The following SPG7 variants were observed in gnomAD, a reference collection of about 807,000 sequenced individuals.
The protein encoded by SPG7 is mitochondrial inner membrane m-AAA protease component paraplegin.
In SPG7, 103 loss-of-function variants were observed where a neutral mutation model predicts 81.9. The ratio of observed to expected loss-of-function variants is 1.26; its 90% CI spans 1.07 to 1.48. The LOEUF (loss-of-function observed/expected upper bound fraction) is 1.48, where lower values mean the gene tolerates loss of function less well. SPG7 is among the 40% of genes most tolerant of loss of function. SPG7 has a pLI of 0.00. For missense variants in SPG7, 1,241 were observed against 1,087.3 expected (o/e 1.14, Z -1.99); for synonymous variants, 534 against 444.2 (o/e 1.20, Z -2.54).
intron 4 of SPG7, 36 bp downstream of exon 4, chr16:89,524,283 G>A (rs745633975): frequency 6.3e-7 from 1 of 1,589,438 alleles, no homozygotes; most frequent in Middle Eastern, 2.2e-4. Context: ...GAGTGAGGGT[G>A]TGGGCACAGG....
intron 6 of SPG7, 120 bp from the exon 7 acceptor site, chr16:89,530,563 T>C: frequency 8.9e-7 from 1 of 1,122,872 alleles, no homozygotes; most frequent in East Asian, 2.4e-5. Context: ...AGTGAAGCCT[T>C]GGGATCCTAG....
At chr16:89,541,848 C>T (rs1328089188) in intron 9 of SPG7, 7 of 151,746 alleles carry the variant, frequency 4.6e-5, no homozygotes, top group African/African-American at 1.7e-4. Flanking sequence ...GTGTCCAGTC[C>T]CAGGAAGTCT....
intron 3 of SPG7, among the ~76,000 whole-genome samples, chr16:89,514,112 G>A (rs145113569): frequency 6.6e-6 from 1 of 152,168 alleles, no homozygotes; most frequent in African/African-American, 2.4e-5. Flanking sequence ...GTGTTTCGCA[G>A]GTGGATTCAG....
At chr16:89,526,086 G>T (rs1427478693) in intron 4 of SPG7, among the ~76,000 whole-genome samples, 1 of 152,180 alleles carries the variant, frequency 6.6e-6, no homozygotes, top group East Asian at 1.9e-4. Flanking sequence ...GGGGCTCACT[G>T]GGAGGTAGCC....
chr16:89,544,475 G>T, intron 9 of SPG7, 173 bp from the exon 10 acceptor site: 1 of 706,450 alleles, frequency 1.4e-6, no homozygotes, highest in Admixed American at 2.1e-5. Context: ...GGTGATGCTG[G>T]CTGGGAGCGA....
chr16:89,526,929 G>C (rs9797023), intron 5 of SPG7: 10,363 of 80,624 alleles, frequency 0.13, 518 homozygotes, highest in Middle Eastern at 0.26. Context: ...ACGTAGGATG[G>C]CGAAGTCTCA....
In SPG7 at chr16:89,508,520, G is replaced by T. The variant is rs1255580855; in HGVS notation, c.103G>T (p.Ala35Ser). ...CCCGGCCTGGAGTCCAGGGTTCCCCGCCAGGCCCGGGAGGGGGCGGCCGTA... is the reference window on the plus strand; with the variant it reads ...CCCGGCCTGGAGTCCAGGGTTCCCCTCCAGGCCCGGGAGGGGGCGGCCGTA... ...PGPAWSPGFP[A>S]RPGRGRPYMA... Residue 35 changes from alanine to serine, a missense_variant, in exon 1 of 17, where the codon GCC (alanine) becomes TCC (serine). By Grantham distance (99) the Ala-to-Ser change is moderately conservative. Coordinates refer to ENST00000645818, the MANE Select transcript of SPG7 (RefSeq NM_003119.4). 2.0e-6 allele frequency: 3 copies of T among 1,513,894 alleles called. No homozygotes were observed. The highest frequency in any genetic ancestry group is 2.4e-5 in the South Asian group (2 of 81,672). 93.8% of individuals were successfully genotyped at this position (1,513,894 alleles called of 1,614,324 possible).
chr16:89,515,712 A>ATT (rs199694635), intron 3 of SPG7, among the ~76,000 whole-genome samples: 1,765 of 145,916 alleles, frequency 0.012, 41 homozygotes, highest in African/African-American at 0.041. Flanking sequence ...TATTATTATT[A>ATT]TTATTTTTTT....
At chr16:89,508,402 C>A (rs1022251506), upstream of SPG7, 8 of 1,472,818 alleles carry the variant, frequency 5.4e-6, no homozygotes, top group Non-Finnish European at 6.3e-6. Context: ...CACGCAGGCG[C>A]GGCTTTCAGG....
chr16:89,513,571 A>C (rs1009427376), intron 3 of SPG7, among the ~76,000 whole-genome samples: 1 of 152,054 alleles, frequency 6.6e-6, no homozygotes, highest in African/African-American at 2.4e-5. Flanking sequence ...TACAGAAAGA[A>C]AAGAAGAAAA....
At position 89,554,445 on chromosome 16, in the gene SPG7, G is replaced by C. The variant is rs760957121; in HGVS notation, c.2104-41G>C. 28 of 1,423,688 alleles carry C rather than the reference G, an allele frequency of 2.0e-5. No homozygotes were observed. In the Admixed American group the frequency reaches 4.6e-4, roughly 23 times the overall value. 88.2% of individuals were successfully genotyped at this position (1,423,688 alleles called of 1,614,324 possible). ...TTCTGTGCTTTGGTGCTGGAGCCAG[G>C]CGGCCAGCCTTGCCCCTGACACAGT... On this transcript the variant is annotated intron_variant, in intron 15 of 16. Coordinates refer to ENST00000645818, the MANE Select transcript of SPG7 (RefSeq NM_003119.4).
intron 9 of SPG7, chr16:89,543,133 G>C (rs2058518154): frequency 6.6e-6 from 1 of 151,556 alleles, no homozygotes; most frequent in South Asian, 2.1e-4. Flanking sequence ...ATTTTTAGTA[G>C]AGATGGGGTT....
intron 9 of SPG7, chr16:89,543,347 C>CTTTTTTTTTTTTTTTTTTTTTTTTTT (rs57995524): frequency 9.2e-6 from 1 of 108,988 alleles, no homozygotes. Context: ...GGACCTTTTC[C>CTTTTTTTTTTTTTTTTTTTTTTTTTT]TTTTTTTTTT....
intron 3 of SPG7, among the ~76,000 whole-genome samples, chr16:89,516,372 T>A (rs1425364467): frequency 1.3e-5 from 2 of 151,562 alleles, no homozygotes; most frequent in Non-Finnish European, 2.9e-5. Context: ...TGAAACCCCT[T>A]GTCTACTAAA....
At chr16:89,544,350 C>T in intron 9 of SPG7, 1 of 401,504 alleles carries the variant, frequency 2.5e-6, no homozygotes, top group South Asian at 2.1e-5. Context: ...AGGACCGGCT[C>T]CCAGATGGCA....
chr16:89,516,938 C>T (rs919045303), intron 3 of SPG7: 3 of 152,054 alleles, frequency 2.0e-5, no homozygotes, highest in Non-Finnish European at 4.4e-5. Context: ...AGAAAAAAGT[C>T]GTAAGAGAAA....
chr16:89,533,453 CTT>C (rs1208242442), intron 9 of SPG7: 5 of 152,220 alleles, frequency 3.3e-5, no homozygotes, highest in African/African-American at 1.2e-4. Context: ...AGACGTGAGC[CTT>C]AGCACCCAGG....
At chr16:89,541,500 C>T (rs1035094853) in intron 9 of SPG7, 4 of 212,084 alleles carry the variant, frequency 1.9e-5, no homozygotes, top group African/African-American at 9.4e-5. Context: ...GGTTCTGTGT[C>T]TTGAGGGGAG....
At chr16:89,530,102 G>A (rs1353699082) in intron 6 of SPG7, 1 of 271,206 alleles carries the variant, frequency 3.7e-6, no homozygotes, top group Non-Finnish European at 7.1e-6. Flanking sequence ...GCCTCCCAAA[G>A]TGCTGGGATT....
Sources: allele counts gnomAD v4.1 joint callset (sites outside exome capture counted in the v4.1 genomes callset), GRCh38; gene constraint gnomAD v4.1.1; transcripts MANE v1.5; gene names NCBI Gene and HGNC (gene_info 2026-07-23, HGNC 2026-07-21).